The following CRTAC1 variants were observed in gnomAD, a reference collection of about 807,000 sequenced individuals.
The protein encoded by CRTAC1 is cartilage acidic protein 1, also known as acidic secreted protein in cartilage.
Under a neutral mutation model 67.8 loss-of-function variants are expected in CRTAC1, and 37 were observed. The observed-to-expected ratio is 0.55, with a 90% CI of 0.42 to 0.72. The LOEUF (loss-of-function observed/expected upper bound fraction) is 0.72, where lower values mean the gene tolerates loss of function less well. Ranked by LOEUF, CRTAC1 falls within the 30% of genes least tolerant of loss-of-function variation. The pLI is 0.00. For synonymous variants in CRTAC1, 348 were observed against 371.0 expected (o/e 0.94, Z 0.71); for missense variants, 780 against 931.6 (o/e 0.84, Z 2.12).
rs1590194644 is a variant in CRTAC1 at position 97,901,490 on chromosome 10, A to T, written c.1133+13T>A. On this transcript the variant is annotated intron_variant, in intron 8 of 14. Coordinates refer to ENST00000370597, the MANE Select transcript of CRTAC1 (RefSeq NM_018058.7). Reference sequence around the variant, plus strand: ...CAAGGATGAAGAGCCACGAGCCAGGATGGAGCATCTACCGGAAGAGGCGGT... The same window carrying T: ...CAAGGATGAAGAGCCACGAGCCAGGTTGGAGCATCTACCGGAAGAGGCGGT... 1 of 1,614,108 alleles carries T rather than the reference A, an allele frequency of 6.2e-7. No individual in the cohort carries two copies. Among genetic ancestry groups the T allele is most frequent in the Non-Finnish European group, 8.5e-7 (1 of 1,179,978 alleles).
intron 1 of CRTAC1, among the ~76,000 whole-genome samples, chr10:98,014,388 A>T (rs1182148226): frequency 6.6e-6 from 1 of 152,236 alleles, no homozygotes; most frequent in Admixed American, 6.5e-5. Context: ...GCTTTAAAAA[A>T]ATTCTCATGC....
In CRTAC1 at chr10:97,936,203, T is replaced by C. The variant is rs1425271919; in HGVS notation, c.388A>G (p.Ile130Val). 6.2e-7 allele frequency: 1 copy of C among 1,613,126 alleles called. No individual in the cohort carries two copies. Among genetic ancestry groups the C allele is most frequent in the Non-Finnish European group, 8.5e-7 (1 of 1,179,510 alleles). ...GCATTATTGGTGTTGAGGAAGTAGA[T>C]CTCCTCCCGGCCGTCCCCGTCGATG... ...CDIDGDGREE[I>V]YFLNTNNAFS... Residue 130 changes from isoleucine (I) to valine (V), a missense_variant, in exon 3 of 15, where the codon ATC (isoleucine) becomes GTC (valine). Coordinates refer to ENST00000370597, the MANE Select transcript of CRTAC1 (RefSeq NM_018058.7).
rs144726461 is a variant in CRTAC1, at chr10:97,917,521, C to A, written c.694G>T (p.Ala232Ser). The change falls in exon 5 of 15, where the codon GCT becomes TCT. Residue 232 changes from alanine to serine, a missense_variant. Coordinates refer to ENST00000370597, the MANE Select transcript of CRTAC1 (RefSeq NM_018058.7). ...ATACCTGTATATTTGCTGACCCCAG[C>A]CTCAGCAGCCACATCTCTGAGCGCC... is the stretch of plus-strand genomic sequence containing the variant. ...ILALRDVAAE[A>S]GVSKYTGGRG... The A allele has an allele frequency of 6.3e-7, 1 of 1,585,298 alleles. No homozygotes were observed. Among genetic ancestry groups the A allele is most frequent in the Non-Finnish European group, 8.6e-7 (1 of 1,161,966 alleles).
Position 97,936,237 on chromosome 10 carries a change from T to C in CRTAC1, c.354A>G (p.Thr118=). The part of the protein sequence containing the change: ...RDRQGNAIGV[T]ACDIDGDGRE... The stretch of plus-strand genomic sequence containing the variant: ...GGCCGTCCCCGTCGATGTCGCAGGC[T>C]GTGACCCCGATGGCGTTCCCCTGCC... The change falls in exon 3 of 15, where the codon ACA becomes ACG. Residue 118 remains threonine, a synonymous_variant. Transcript: ENST00000370597. 1 of 1,614,138 alleles carries C rather than the reference T, an allele frequency of 6.2e-7. No homozygotes were observed. Among genetic ancestry groups the C allele is most frequent in the African/African-American group, 1.3e-5 (1 of 75,062 alleles).
Position 97,982,541 on chromosome 10 carries a change from A to G in CRTAC1, c.224+28597T>C, listed in dbSNP as rs1395749312. Reference sequence around the variant, plus strand: ...AGTAACAGATCTTCACACAACTGTCAACATCATTACCAAAACACATCAGAA... The same window carrying G: ...AGTAACAGATCTTCACACAACTGTCGACATCATTACCAAAACACATCAGAA... On this transcript the variant is annotated intron_variant, in intron 2 of 14. Transcript: ENST00000370597. Among the ~76,000 whole-genome samples, 6 of 152,226 alleles carry G rather than the reference A, an allele frequency of 3.9e-5. 1 individual carries two copies. The highest frequency in any genetic ancestry group is 3.9e-4 in the Admixed American group (6 of 15,278).
At chr10:97,953,864 G>A (rs1382405606) in intron 2 of CRTAC1, among the ~76,000 whole-genome samples, 1 of 152,122 alleles carries the variant, frequency 6.6e-6, no homozygotes, top group Non-Finnish European at 1.5e-5. Context: ...ATTCCTTTTG[G>A]CAAAGCTTGC....
At chr10:97,959,757 TA>T (rs2051495645) in intron 2 of CRTAC1, among the ~76,000 whole-genome samples, 1 of 152,212 alleles carries the variant, frequency 6.6e-6, no homozygotes, top group Non-Finnish European at 1.5e-5. Flanking sequence ...AAGCCCCTAA[TA>T]AAACCCCATG....
intron 13 of CRTAC1, among the ~76,000 whole-genome samples, chr10:97,881,975 G>A (rs919827706): frequency 6.6e-6 from 1 of 152,162 alleles, no homozygotes; most frequent in Non-Finnish European, 1.5e-5. Context: ...TCCCCCATCT[G>A]GGCCCTGATC....
In CRTAC1 at chr10:97,885,497, C is replaced by T. The variant is rs534038173; in HGVS notation, c.1487-1146G>A. 1.2e-4 allele frequency among the ~76,000 whole-genome samples: 18 copies of T among 152,318 alleles called. No individual in the cohort carries two copies. The South Asian group carries it at 3.3e-3, about 28-fold the overall frequency. On this transcript the variant is annotated intron_variant, in intron 11 of 14. Transcript: ENST00000370597. Reference sequence around the variant, plus strand: ...ACAGTGAATCCATTTGCACACAACCCTAAAGCAACGTGCCACATCATTGGT... The same window carrying T: ...ACAGTGAATCCATTTGCACACAACCTTAAAGCAACGTGCCACATCATTGGT...
intron 3 of CRTAC1, among the ~76,000 whole-genome samples, chr10:97,926,497 T>C (rs193129988): frequency 2.6e-5 from 4 of 152,056 alleles, no homozygotes; most frequent in African/African-American, 9.7e-5. Flanking sequence ...AATTTGCATA[T>C]TTTTCCTTCA....
intron 2 of CRTAC1, among the ~76,000 whole-genome samples, chr10:97,983,577 T>C (rs970327518): frequency 4.1e-5 from 6 of 147,954 alleles, no homozygotes; most frequent in African/African-American, 1.1e-4. Flanking sequence ...AGAAATCAAT[T>C]CTGAGAGCTT....
At chr10:97,896,833 T>TGCCAA in intron 9 of CRTAC1, 76 bp downstream of exon 9, 2 of 450,862 alleles carry the variant, frequency 4.4e-6, no homozygotes, top group East Asian at 4.6e-5. Context: ...GGCTGCCCCG[T>TGCCAA]CCCTCCCGCC....
At chr10:97,989,848 C>T (rs73334633) in intron 2 of CRTAC1, among the ~76,000 whole-genome samples, 3,367 of 152,316 alleles carry the variant, frequency 0.022, 116 homozygotes, top group African/African-American at 0.076. Flanking sequence ...TGTGTAACCA[C>T]AGATTGCGTG....
intron 11 of CRTAC1, among the ~76,000 whole-genome samples, chr10:97,893,868 C>A (rs1423502727): frequency 1.3e-5 from 2 of 152,138 alleles, no homozygotes; most frequent in Admixed American, 6.5e-5. Flanking sequence ...TGGAGATGAG[C>A]TTTTTCTCCC....
At chr10:97,892,958 C>T (rs1304924794) in intron 11 of CRTAC1, among the ~76,000 whole-genome samples, 2 of 152,296 alleles carry the variant, frequency 1.3e-5, no homozygotes, top group African/African-American at 2.4e-5. Context: ...CACACACACA[C>T]GACAAAACAT....
At chr10:97,890,468 T>C (rs1368943091) in intron 11 of CRTAC1, among the ~76,000 whole-genome samples, 2 of 152,166 alleles carry the variant, frequency 1.3e-5, no homozygotes, top group Non-Finnish European at 2.9e-5. Context: ...GAAAATATCA[T>C]TCTTTTGATT....
At chr10:97,937,122 G>T (rs762372580) in intron 2 of CRTAC1, among the ~76,000 whole-genome samples, 1 of 152,198 alleles carries the variant, frequency 6.6e-6, no homozygotes, top group African/African-American at 2.4e-5. Context: ...CAAGAGAAAA[G>T]GTTAAAAGGC....
chr10:98,025,359 C>T (rs975485899), intron 1 of CRTAC1, among the ~76,000 whole-genome samples: 1 of 152,098 alleles, frequency 6.6e-6, no homozygotes, highest in Admixed American at 6.5e-5. Flanking sequence ...CCAGTTGTAA[C>T]AAGAAAAAGT....
intron 2 of CRTAC1, among the ~76,000 whole-genome samples, chr10:97,938,124 A>C (rs981380125): frequency 2.6e-5 from 4 of 152,146 alleles, no homozygotes; most frequent in African/African-American, 9.7e-5. Context: ...GGGCTGAGTC[A>C]GCGCCCGGTG....
Sources: allele counts gnomAD v4.1 joint callset (sites outside exome capture counted in the v4.1 genomes callset), GRCh38; gene constraint gnomAD v4.1.1; transcripts MANE v1.5; gene names NCBI Gene and HGNC (gene_info 2026-07-23, HGNC 2026-07-21).